CAPN13: variants seen among roughly 807,000 people sequenced by gnomAD.
The protein encoded by CAPN13 is calpain 13.
A neutral mutation model predicts 98.4 loss-of-function variants in CAPN13; 90 were observed. That is an observed-to-expected ratio of 0.92 (90% CI 0.77 to 1.09). The LOEUF (loss-of-function observed/expected upper bound fraction) is 1.09. Ranked by LOEUF, CAPN13 falls within the 50% of genes least tolerant of loss-of-function variation. The pLI is 0.00. For missense variants in CAPN13, 887 were observed against 841.3 expected (o/e 1.05, Z -0.67); for synonymous variants, 330 against 305.5 (o/e 1.08, Z -0.84).
Position 30,764,206 on chromosome 2 carries a change from G to C in CAPN13, c.625C>G (p.Pro209Ala), listed in dbSNP as rs755546217. The C allele has an allele frequency of 1.9e-6, 3 of 1,611,048 alleles. No individual in the cohort carries two copies. The Admixed American group carries it at 5.0e-5, about 27-fold the overall frequency. The change falls in exon 6 of 23, where the codon CCT becomes GCT. Residue 209 changes from proline to alanine, a missense_variant. Coordinates refer to ENST00000295055, the MANE Select transcript of CAPN13 (RefSeq NM_144575.3). ...TTCACTGCCTTCACCAGGTCCACAGGGGAAGAGTGCAGATGGATGTTGGTG... is the reference window on the plus strand; with the variant it reads ...TTCACTGCCTTCACCAGGTCCACAGCGGAAGAGTGCAGATGGATGTTGGTG... ...VITNIHLHSS[P>A]VDLVKAVKTA...
chr2:30,742,230 T>C lies in CAPN13; in HGVS notation c.1479+96A>G, dbSNP rs752228525. 5.0e-6 allele frequency: 7 copies of C among 1,389,922 alleles called. No homozygotes were observed. The African/African-American group carries it at 5.7e-5, about 11-fold the overall frequency. 86.1% of individuals were successfully genotyped at this position (1,389,922 alleles called of 1,614,324 possible). Reference sequence around the variant, plus strand: ...ATCATGGTGTCTCTCTTTTCATTGGTTGGGGGCAGCGGGAGGTGTAAAGAA... The same window carrying C: ...ATCATGGTGTCTCTCTTTTCATTGGCTGGGGGCAGCGGGAGGTGTAAAGAA... On this transcript the variant is annotated intron_variant, in intron 14 of 22. Coordinates refer to ENST00000295055, the MANE Select transcript of CAPN13 (RefSeq NM_144575.3).
At position 30,751,202 on chromosome 2, in the gene CAPN13, CAT is replaced by C; in HGVS notation, c.1135_1136del (p.Met379GlyfsTer60). On this transcript the variant is annotated frameshift_variant, in exon 11 of 23. Transcript: ENST00000295055. LOFTEE classifies it high-confidence loss of function. ...CGCACACGACAACATTGGTGCCTTC[CAT>C]TGGCTCTTGCACAGAGAAGTTGAAT... ...AQFNFSVQEP[M>X]EGTNVVVCVT... 2 of 1,613,994 alleles carry C rather than the reference CAT, an allele frequency of 1.2e-6. No individual in the cohort carries two copies. The highest frequency in any genetic ancestry group is 1.7e-6 in the Non-Finnish European group (2 of 1,179,882).
chr2:30,755,125 AC>A lies in CAPN13; in HGVS notation c.867-762del, dbSNP rs1372321021. On this transcript the variant is annotated intron_variant, in intron 8 of 22. Coordinates refer to ENST00000295055, the MANE Select transcript of CAPN13 (RefSeq NM_144575.3). ...AGTGTCTTCATTTCCTTAAAACACC[AC>A]CCCCCCAAGCCCAACTTTCACCCTG... Among the ~76,000 whole-genome samples, 4 of 148,570 alleles carry A rather than the reference AC, an allele frequency of 2.7e-5. 1 individual carries two copies. In the South Asian group the frequency reaches 6.6e-4, roughly 24 times the overall value.
intron 3 of CAPN13, among the ~76,000 whole-genome samples, chr2:30,776,505 G>A (rs1358410537): frequency 3.3e-5 from 5 of 152,134 alleles, no homozygotes; most frequent in Non-Finnish European, 5.9e-5. Context: ...GAGCCAGCAC[G>A]TCCAGCCTCT....
chr2:30,784,208 G>A (rs2148067201), intron 2 of CAPN13, among the ~76,000 whole-genome samples: 1 of 151,920 alleles, frequency 6.6e-6, no homozygotes, highest in African/African-American at 2.4e-5. Context: ...AGCAGAACAT[G>A]AGAAGAAAGG....
At chr2:30,738,041 A>G in intron 17 of CAPN13, 194 bp downstream of exon 17, 1 of 649,402 alleles carries the variant, frequency 1.5e-6, no homozygotes, top group Non-Finnish European at 2.8e-6. Flanking sequence ...TAGGTGCTTG[A>G]TAGATGGTAA....
intron 8 of CAPN13, among the ~76,000 whole-genome samples, chr2:30,755,004 C>T (rs769299420): frequency 5.9e-5 from 9 of 152,126 alleles, no homozygotes; most frequent in Non-Finnish European, 8.8e-5. Flanking sequence ...GTTCACACTC[C>T]TTAAAGAGAA....
intron 1 of CAPN13, among the ~76,000 whole-genome samples, chr2:30,796,146 ATATATATATATACATATATATGTGTG>A (rs1463333559): frequency 4.2e-5 from 6 of 144,576 alleles, no homozygotes; most frequent in Admixed American, 6.9e-5. Flanking sequence ...ATATGTGTGT[ATATATATATATACATATATATGTGTG>A]TATATATATA....
intron 5 of CAPN13, among the ~76,000 whole-genome samples, chr2:30,766,764 G>A (rs1326297197): frequency 1.3e-5 from 2 of 152,202 alleles, no homozygotes; most frequent in East Asian, 3.9e-4. Context: ...TAAAGGATGG[G>A]AAGCAGCCTA....
At chr2:30,774,338 T>C (rs1352735672) in intron 4 of CAPN13, among the ~76,000 whole-genome samples, 1 of 151,450 alleles carries the variant, frequency 6.6e-6, no homozygotes, top group East Asian at 1.9e-4. Context: ...AGAAAAAGAA[T>C]AGAAAGACTC....
chr2:30,745,645 A>G, intron 12 of CAPN13, 78 bp downstream of exon 12: 1 of 1,467,668 alleles, frequency 6.8e-7, no homozygotes, highest in South Asian at 1.2e-5. Context: ...CGTGGAGGCC[A>G]TGGGCGTTGG....
intron 2 of CAPN13, among the ~76,000 whole-genome samples, chr2:30,785,165 A>G (rs527921471): frequency 3.9e-5 from 6 of 152,170 alleles, no homozygotes; most frequent in Non-Finnish European, 8.8e-5. Context: ...TCCAAATTCC[A>G]GCAGAGTCCC....
intron 2 of CAPN13, among the ~76,000 whole-genome samples, chr2:30,779,815 C>T: frequency 6.6e-6 from 1 of 152,048 alleles, no homozygotes; most frequent in Non-Finnish European, 1.5e-5. Flanking sequence ...ATAAATTGTT[C>T]TATTATTTGC....
At chr2:30,796,241 C>CATATATATATATGT (rs551265179) in intron 1 of CAPN13, among the ~76,000 whole-genome samples, 2 of 131,882 alleles carry the variant, frequency 1.5e-5, no homozygotes, top group Admixed American at 1.4e-4. Context: ...TATATGTGTG[C>CATATATATATATGT]ATATATATAT....
chr2:30,763,992 G>T, intron 6 of CAPN13, 140 bp downstream of exon 6: 1 of 801,328 alleles, frequency 1.2e-6, no homozygotes, highest in South Asian at 1.8e-5. Context: ...GTTCAATGGG[G>T]TGACCCGGGT....
rs1316092396 is a variant in CAPN13 at position 30,787,125 on chromosome 2, C to T, written c.198+3G>A. ...TGGGTATGCTCGTGTGGGGCTCACT[C>T]ACCTGTGGCCGCTTCCATATCACAT... On this transcript the variant is annotated splice_donor_region_variant and intron_variant, in intron 2 of 22. Coordinates refer to ENST00000295055, the MANE Select transcript of CAPN13 (RefSeq NM_144575.3). The T allele has an allele frequency of 1.3e-6, 2 of 1,553,214 alleles. No individual in the cohort carries two copies. The highest frequency in any genetic ancestry group is 1.4e-5 in the African/African-American group (1 of 73,286).
At chr2:30,805,026 C>T (rs563336928) in intron 1 of CAPN13, among the ~76,000 whole-genome samples, 1 of 152,290 alleles carries the variant, frequency 6.6e-6, no homozygotes, top group South Asian at 2.1e-4. Context: ...CCCTTTTTTA[C>T]TCCAGCCAAG....
intron 12 of CAPN13, among the ~76,000 whole-genome samples, chr2:30,744,085 T>A (rs945810923): frequency 2.6e-5 from 4 of 152,250 alleles, no homozygotes; most frequent in Non-Finnish European, 4.4e-5. Flanking sequence ...ATTTTCCTTT[T>A]ATTTCAATGT....
At chr2:30,731,526 G>A (rs1572779068) in intron 20 of CAPN13, 127 bp from the exon 21 acceptor site, 6 of 731,342 alleles carry the variant, frequency 8.2e-6, no homozygotes, top group East Asian at 3.1e-5. Flanking sequence ...CCTGCTCCGC[G>A]GGGTGTGCCT....
Sources: allele counts gnomAD v4.1 joint callset (sites outside exome capture counted in the v4.1 genomes callset), GRCh38; gene constraint gnomAD v4.1.1; transcripts MANE v1.5; gene names NCBI Gene and HGNC (gene_info 2026-07-23, HGNC 2026-07-21).